QRSL1: variants seen among roughly 807,000 people sequenced by gnomAD.
QRSL1 encodes the protein glutamyl-tRNA(Gln) amidotransferase subunit A, mitochondrial.
QRSL1 carries 54 observed loss-of-function variants against 61.6 expected under a neutral mutation model. The observed-to-expected ratio is 0.88, with a 90% confidence interval of 0.70 to 1.10. QRSL1 has a LOEUF of 1.10. Ranked by LOEUF, QRSL1 falls within the 50% of genes least tolerant of loss-of-function variation. QRSL1 has a pLI of 0.00. For synonymous variants in QRSL1, 228 were observed against 225.7 expected (o/e 1.01, Z -0.09); for missense variants, 505 against 622.6 (o/e 0.81, Z 2.01).
At chr6:106,655,431 A>T (rs1287647411) in intron 8 of QRSL1, among the ~76,000 whole-genome samples, 184 bp from the exon 9 acceptor site, 1 of 150,588 alleles carries the variant, frequency 6.6e-6, no homozygotes, top group South Asian at 2.1e-4. Flanking sequence ...CAGGAGAATC[A>T]CTTGACAAGG....
At chr6:106,660,589 CAG>C (rs1396879072) in intron 9 of QRSL1, among the ~76,000 whole-genome samples, 1 of 151,896 alleles carries the variant, frequency 6.6e-6, no homozygotes, top group Non-Finnish European at 1.5e-5. Flanking sequence ...TTTAAGAAGG[CAG>C]AGTGTCTTAG....
chr6:106,630,238 T>A (rs918124860), intron 1 of QRSL1, among the ~76,000 whole-genome samples: 1 of 152,254 alleles, frequency 6.6e-6, no homozygotes, highest in Non-Finnish European at 1.5e-5. Flanking sequence ...TATTTGTGAA[T>A]GCTTTCTGGG....
intron 1 of QRSL1, among the ~76,000 whole-genome samples, chr6:106,639,841 G>C (rs931284431): frequency 6.6e-6 from 1 of 151,832 alleles, no homozygotes; most frequent in African/African-American, 2.4e-5. Context: ...CTTTGAACCC[G>C]TATTTTATAA....
chr6:106,648,467 A>C (rs1777147677), intron 4 of QRSL1, among the ~76,000 whole-genome samples: 1 of 152,200 alleles, frequency 6.6e-6, no homozygotes, highest in Non-Finnish European at 1.5e-5. Flanking sequence ...AGTTTCTATC[A>C]TACTTTGTGT....
At position 106,664,914 on chromosome 6, in the gene QRSL1, C is replaced by T. The variant is rs527708427; in HGVS notation, c.1367-868C>T. Among the ~76,000 whole-genome samples the T allele has an allele frequency of 5.7e-4, 86 of 152,148 alleles. 1 individual carries two copies. Among genetic ancestry groups the T allele is most frequent in the Middle Eastern group, 6.8e-3 (2 of 294 alleles). The stretch of plus-strand genomic sequence containing the variant: ...CCAGTTTTAGCATTCATTGATCATC[C>T]TTGAAATATTAGCTAGAGAATTACA... On this transcript the variant is annotated intron_variant, in intron 10 of 10. Coordinates refer to ENST00000369046, the MANE Select transcript of QRSL1 (RefSeq NM_018292.5).
At chr6:106,642,648 T>G in intron 3 of QRSL1, 1 of 783,038 alleles carries the variant, frequency 1.3e-6, no homozygotes, top group South Asian at 1.3e-5. Context: ...GAGTACACAG[T>G]GTTCCCCAGC....
chr6:106,663,242 G>C, intron 10 of QRSL1, 57 bp downstream of exon 10: 6 of 1,533,398 alleles, frequency 3.9e-6, no homozygotes, highest in Non-Finnish European at 4.5e-6. Flanking sequence ...AGGTACCCTG[G>C]TCTTCAACTT....
intron 4 of QRSL1, among the ~76,000 whole-genome samples, chr6:106,648,473 T>G (rs1372843618): frequency 6.6e-6 from 1 of 152,202 alleles, no homozygotes; most frequent in Non-Finnish European, 1.5e-5. Context: ...TATCATACTT[T>G]GTGTATATAT....
chr6:106,647,445 G>A (rs1777125922), intron 4 of QRSL1, among the ~76,000 whole-genome samples: 1 of 150,884 alleles, frequency 6.6e-6, no homozygotes, highest in Non-Finnish European at 1.5e-5. Flanking sequence ...AGCTACTCGA[G>A]AGGCATGAGA....
intron 1 of QRSL1, among the ~76,000 whole-genome samples, chr6:106,636,686 TA>T (rs1231673874): frequency 6.6e-6 from 1 of 152,194 alleles, no homozygotes; most frequent in African/African-American, 2.4e-5. Flanking sequence ...TAAATGGAGA[TA>T]ATAATAGCTT....
At chr6:106,631,662 T>TA (rs145282816) in intron 1 of QRSL1, among the ~76,000 whole-genome samples, 33,041 of 151,540 alleles carry the variant, frequency 0.22, 3,665 homozygotes, top group African/African-American at 0.25. Flanking sequence ...ATGATTGTTT[T>TA]TAAAAAAAAA....
Position 106,639,116 on chromosome 6 carries a change from G to GTTTTTTTTTTTTTTTTTTTTTTT in QRSL1, c.25-1231_25-1230insTTTTTTTTTTTTTTTTTTTTTTT, listed in dbSNP as rs1554200732. 9.2e-5 allele frequency among the ~76,000 whole-genome samples: 5 copies of GTTTTTTTTTTTTTTTTTTTTTTT among 54,364 alleles called. 1 individual carries two copies. In the East Asian group the frequency reaches 1.6e-3, roughly 17 times the overall value. 35.7% of individuals were successfully genotyped at this position (54,364 alleles called of 152,430 possible). ...ACTTGTGTGGTTATTTGTGTGTTTT[G>GTTTTTTTTTTTTTTTTTTTTTTT]TTGTTTTTTTTTTTTTTTTTTTTTT... is the stretch of plus-strand genomic sequence containing the variant. On this transcript the variant is annotated intron_variant, in intron 1 of 10. Coordinates refer to ENST00000369046, the MANE Select transcript of QRSL1 (RefSeq NM_018292.5).
intron 7 of QRSL1, chr6:106,653,239 G>C (rs994999641): frequency 1.3e-5 from 2 of 154,230 alleles, no homozygotes; most frequent in Non-Finnish European, 2.9e-5. Flanking sequence ...CTTTTAGGAA[G>C]ATAAGTTACC....
chr6:106,657,714 A>T (rs1406625482), intron 9 of QRSL1, among the ~76,000 whole-genome samples: 2 of 151,082 alleles, frequency 1.3e-5, no homozygotes, highest in Non-Finnish European at 3.0e-5. Flanking sequence ...GAGTTTATTT[A>T]TTTATTTTTG....
intron 9 of QRSL1, among the ~76,000 whole-genome samples, chr6:106,656,307 G>A (rs1009819468): frequency 6.6e-6 from 1 of 152,200 alleles, no homozygotes; most frequent in African/African-American, 2.4e-5. Context: ...TGTCCTTTGG[G>A]TATTACCACA....
At chr6:106,659,649 A>G (rs1777325403) in intron 9 of QRSL1, among the ~76,000 whole-genome samples, 1 of 152,006 alleles carries the variant, frequency 6.6e-6, no homozygotes, top group Admixed American at 6.6e-5. Context: ...CTTTTGTTAT[A>G]TTCCTTTAAA....
chr6:106,666,074 G>A lies in QRSL1; in HGVS notation c.*72G>A. 2 of 1,293,282 alleles carry A rather than the reference G, an allele frequency of 1.5e-6. No homozygotes were observed. The highest frequency in any genetic ancestry group is 3.7e-5 in the Admixed American group (2 of 54,742). 80.1% of individuals were successfully genotyped at this position (1,293,282 alleles called of 1,614,324 possible). ...CACACCTGTAATCCCAGCACTTTGGGAGGCCAAGGCGAGCGGATCATGAGG... is the reference window on the plus strand; with the variant it reads ...CACACCTGTAATCCCAGCACTTTGGAAGGCCAAGGCGAGCGGATCATGAGG... On this transcript the variant is annotated 3_prime_UTR_variant, in exon 11 of 11. Transcript: ENST00000369046.
intron 1 of QRSL1, among the ~76,000 whole-genome samples, chr6:106,639,339 T>G (rs1478321231): frequency 6.6e-6 from 1 of 151,980 alleles, no homozygotes; most frequent in African/African-American, 2.4e-5. Context: ...TTGGCCAGGA[T>G]GGTCTCCATC....
At chr6:106,636,549 G>C (rs1776924449) in intron 1 of QRSL1, among the ~76,000 whole-genome samples, 2 of 152,078 alleles carry the variant, frequency 1.3e-5, no homozygotes, top group Non-Finnish European at 2.9e-5. Flanking sequence ...CTGATCTCTT[G>C]ACCTTGTAAT....
Sources: gnomAD v4.1 joint callset for allele counts (sites outside exome capture counted in the v4.1 genomes callset) on GRCh38, gnomAD v4.1.1 for gene constraint, MANE v1.5 for transcripts, NCBI Gene and HGNC (gene_info 2026-07-23, HGNC 2026-07-21) for gene names.